Variants in KLHDC10 observed in about 807,000 individuals in gnomAD.
KLHDC10 encodes the protein kelch domain-containing protein 10.
A neutral mutation model predicts 56.1 loss-of-function variants in KLHDC10; 24 were observed. That is an observed-to-expected ratio of 0.43 (90% confidence interval 0.31 to 0.60). The LOEUF is 0.60. Ranked by LOEUF, KLHDC10 falls within the 20% of genes least tolerant of loss-of-function variation. The probability of loss-of-function intolerance (pLI) is 0.11; values close to 1 mark genes in which losing one functional copy is unlikely to be tolerated. For synonymous variants in KLHDC10, 188 were observed against 207.1 expected (o/e 0.91, Z 0.79); for missense variants, 349 against 567.0 (o/e 0.62, Z 3.91).
chr7:130,082,825 C>G (rs1285208305), intron 1 of KLHDC10, among the ~76,000 whole-genome samples: 1 of 152,196 alleles, frequency 6.6e-6, no homozygotes, highest in East Asian at 1.9e-4. Flanking sequence ...TACCCAGCTT[C>G]TCTAGAATTT....
rs1206301618 is a variant in KLHDC10 at position 130,120,838 on chromosome 7, G to C, written c.565G>C (p.Val189Leu). ...CGGCAATGACGTCCATGTGTGTAAT[G>C]TGAAGTATAAGAGATGGGCTTTGCT... ...SNGNDVHVCN[V>L]KYKRWALLSC... The change falls in exon 4 of 10, where the codon GTG becomes CTG. Residue 189 changes from valine (V) to leucine (L), a missense_variant. Around this residue, in one of 2 missense-constraint regions of KLHDC10, gnomAD observed 245 missense variants for 470.1 expected, o/e 0.52. Coordinates refer to ENST00000335420, the MANE Select transcript of KLHDC10 (RefSeq NM_014997.4). This position sits in a 1 kb window ranked among gnomAD's most constrained non-coding sequence, Gnocchi z 5.1. 1.2e-6 allele frequency: 2 copies of C among 1,614,076 alleles called. No individual in the cohort carries two copies. The highest frequency in any genetic ancestry group is 1.7e-6 in the Non-Finnish European group (2 of 1,180,030).
chr7:130,073,812 T>C (rs1374966227), intron 1 of KLHDC10, among the ~76,000 whole-genome samples: 1 of 152,136 alleles, frequency 6.6e-6, no homozygotes, highest in Non-Finnish European at 1.5e-5. Context: ...CTCCTCAATA[T>C]TTTCTTCTCC....
In KLHDC10 at chr7:130,131,612, G is replaced by A. The variant is rs769213258; in HGVS notation, c.*866G>A. ...AAATATCTCTTTGACTTCTTCATGG[G>A]GAATTGTAGACCCTAAGTATGTGGT... On this transcript the variant is annotated 3_prime_UTR_variant, in exon 10 of 10. Coordinates refer to ENST00000335420, the MANE Select transcript of KLHDC10 (RefSeq NM_014997.4). 2.6e-5 allele frequency: 4 copies of A among 152,098 alleles called. No homozygotes were observed. The highest frequency in any genetic ancestry group is 9.7e-5 in the African/African-American group (4 of 41,402). The allele number at this position is 152,098 out of a possible 1,614,324, so 9.4% of individuals were successfully genotyped here.
intron 7 of KLHDC10, among the ~76,000 whole-genome samples, 190 bp from the exon 8 acceptor site, chr7:130,127,214 G>T (rs1796326600): frequency 6.6e-6 from 1 of 152,188 alleles, no homozygotes; most frequent in Non-Finnish European, 1.5e-5. Context: ...CCTTAGCATT[G>T]TACTGTTATG....
At chr7:130,091,554 A>C (rs1341492450) in intron 1 of KLHDC10, among the ~76,000 whole-genome samples, 1 of 152,166 alleles carries the variant, frequency 6.6e-6, no homozygotes, top group African/African-American at 2.4e-5. Context: ...CTTTTACACA[A>C]TACCTCAATT....
At chr7:130,109,293 G>C (rs1300790730) in intron 2 of KLHDC10, among the ~76,000 whole-genome samples, 1 of 151,336 alleles carries the variant, frequency 6.6e-6, no homozygotes, top group African/African-American at 2.4e-5. Flanking sequence ...GAAGTGCAGG[G>C]GTGCAATCAT....
chr7:130,107,229 T>C (rs1796020360), intron 2 of KLHDC10, among the ~76,000 whole-genome samples: 1 of 152,178 alleles, frequency 6.6e-6, no homozygotes, highest in Non-Finnish European at 1.5e-5. Flanking sequence ...TTCAACCTTG[T>C]TCTGGAGTTT....
At position 130,096,954 on chromosome 7, in the gene KLHDC10, G is replaced by A. The variant is rs1563100265; in HGVS notation, c.200G>A (p.Arg67Lys). 6.2e-7 allele frequency: 1 copy of A among 1,611,574 alleles called. No individual in the cohort carries two copies. Among genetic ancestry groups the A allele is most frequent in the East Asian group, 2.2e-5 (1 of 44,854 alleles). ...KKKIRWDPVRRRFIQSCPIIR... is the reference protein window; with the variant it reads ...KKKIRWDPVRKRFIQSCPIIR... Reference sequence around the variant, plus strand: ...AAAATACGATGGGACCCAGTTAGGAGGCGCTTCATTCAGTCCTGTCCCATC... The same window carrying A: ...AAAATACGATGGGACCCAGTTAGGAAGCGCTTCATTCAGTCCTGTCCCATC... The change falls in exon 2 of 10, where the codon AGG (arginine) becomes AAG (lysine). Residue 67 changes from arginine to lysine, a missense_variant. Coordinates refer to ENST00000335420, the MANE Select transcript of KLHDC10 (RefSeq NM_014997.4).
At chr7:130,082,249 A>G (rs1795618911) in intron 1 of KLHDC10, among the ~76,000 whole-genome samples, 1 of 152,170 alleles carries the variant, frequency 6.6e-6, no homozygotes, top group South Asian at 2.1e-4. Flanking sequence ...GTCTGAGCCC[A>G]AAAGGTTGGG....
Position 130,130,758 on chromosome 7 carries a change from C to A in KLHDC10, c.*12C>A. On this transcript the variant is annotated 3_prime_UTR_variant, in exon 10 of 10. Coordinates refer to ENST00000335420, the MANE Select transcript of KLHDC10 (RefSeq NM_014997.4). The surrounding 1 kb of genome is among the most constrained non-coding windows in gnomAD (Gnocchi z 4.2). Reference sequence around the variant, plus strand: ...AACGCTTGAAATGAGGATTTCTGGACTGTTCATTGATACTGGAAATGTTAA... The same window carrying A: ...AACGCTTGAAATGAGGATTTCTGGAATGTTCATTGATACTGGAAATGTTAA... 1 of 1,607,992 alleles carries A rather than the reference C, an allele frequency of 6.2e-7. No individual in the cohort carries two copies. The highest frequency in any genetic ancestry group is 8.5e-7 in the Non-Finnish European group (1 of 1,174,458).
chr7:130,128,287 G>A (rs746914212), intron 8 of KLHDC10, among the ~76,000 whole-genome samples: 2 of 152,210 alleles, frequency 1.3e-5, no homozygotes, highest in Admixed American at 6.5e-5. Flanking sequence ...TATAGCTTAA[G>A]TATTGGCTTA....
chr7:130,071,096 C>T (rs1413973251), intron 1 of KLHDC10, among the ~76,000 whole-genome samples: 1 of 152,218 alleles, frequency 6.6e-6, no homozygotes, highest in East Asian at 1.9e-4. Context: ...GTTTCGGTTA[C>T]TCGATTCCCA....
intron 1 of KLHDC10, among the ~76,000 whole-genome samples, chr7:130,088,899 C>T (rs995926419): frequency 2.0e-5 from 3 of 152,052 alleles, no homozygotes; most frequent in Admixed American, 2.0e-4. Flanking sequence ...TCCCAAAATG[C>T]TGGCATTACA....
Position 130,120,444 on chromosome 7 carries a change from A to AT in KLHDC10, c.476-296dup, listed in dbSNP as rs11313553. Among the ~76,000 whole-genome samples, 2 of 151,800 alleles carry AT rather than the reference A, an allele frequency of 1.3e-5. No homozygotes were observed. Among genetic ancestry groups the AT allele is most frequent in the Non-Finnish European group, 2.9e-5 (2 of 67,928 alleles). On this transcript the variant is annotated intron_variant, in intron 3 of 9. Coordinates refer to ENST00000335420, the MANE Select transcript of KLHDC10 (RefSeq NM_014997.4). This position sits in a 1 kb window ranked among gnomAD's most constrained non-coding sequence, Gnocchi z 5.1. ...GACCAGAAGTGTTTCACATTTCAAA[A>AT]TTTTTTTTTGAATATTTGCATTGTA...
intron 1 of KLHDC10, among the ~76,000 whole-genome samples, chr7:130,087,434 T>C (rs1795706604): frequency 6.6e-6 from 1 of 152,162 alleles, no homozygotes; most frequent in Non-Finnish European, 1.5e-5. Context: ...TCCATGAATT[T>C]GTTCCAAGCT....
At chr7:130,092,687 G>A (rs1375233354) in intron 1 of KLHDC10, among the ~76,000 whole-genome samples, 1 of 152,144 alleles carries the variant, frequency 6.6e-6, no homozygotes, top group Non-Finnish European at 1.5e-5. Flanking sequence ...TCCCATCTGG[G>A]AGCAAATACC....
intron 1 of KLHDC10, among the ~76,000 whole-genome samples, chr7:130,072,532 CT>C (rs1243292105): frequency 6.6e-6 from 1 of 152,132 alleles, no homozygotes; most frequent in Non-Finnish European, 1.5e-5. Flanking sequence ...TTCATTGCTC[CT>C]TTACTCATTC....
At chr7:130,109,079 AT>A (rs1401822161) in intron 2 of KLHDC10, among the ~76,000 whole-genome samples, 1 of 151,206 alleles carries the variant, frequency 6.6e-6, no homozygotes. Context: ...CACACCCTGT[AT>A]TTTTTTAGTA....
At chr7:130,110,874 T>A (rs1242509526) in intron 2 of KLHDC10, among the ~76,000 whole-genome samples, 1 of 152,234 alleles carries the variant, frequency 6.6e-6, no homozygotes, top group Admixed American at 6.5e-5. Flanking sequence ...TACTAAGCAG[T>A]AAATGTTATG....
Sources: gnomAD v4.1 joint callset for allele counts (sites outside exome capture counted in the v4.1 genomes callset) on GRCh38, gnomAD v4.1.1 for gene constraint, gnomAD v4.1.1 regional missense constraint, Gnocchi (gnomAD v3.1) non-coding constraint, MANE v1.5 for transcripts, NCBI Gene and HGNC (gene_info 2026-07-23, HGNC 2026-07-21) for gene names.